The following SNX10 variants were observed in gnomAD, a reference collection of about 807,000 sequenced individuals.
SNX10 encodes the protein sorting nexin-10.
Under a neutral mutation model 28.5 loss-of-function variants are expected in SNX10, and 25 were observed. The observed-to-expected ratio is 0.88, with a 90% CI of 0.64 to 1.22. The LOEUF (loss-of-function observed/expected upper bound fraction) is 1.22, where lower values mean the gene tolerates loss of function less well. SNX10 is among the 50% of genes most tolerant of loss of function. The pLI, the probability that SNX10 is intolerant of heterozygous loss-of-function variation, is 0.00. For missense variants in SNX10, 223 were observed against 242.6 expected (o/e 0.92, Z 0.54); for synonymous variants, 62 against 81.4 (o/e 0.76, Z 1.28).
At chr7:26,358,463 G>A (rs954044333) in intron 2 of SNX10, among the ~76,000 whole-genome samples, 1 of 152,190 alleles carries the variant, frequency 6.6e-6, no homozygotes, top group Non-Finnish European at 1.5e-5. Flanking sequence ...TACTGGCTGG[G>A]GCACAGTGGC....
At chr7:26,329,602 A>G (rs1787645899) in intron 1 of SNX10, among the ~76,000 whole-genome samples, 1 of 152,198 alleles carries the variant, frequency 6.6e-6, no homozygotes, top group South Asian at 2.1e-4. Flanking sequence ...CCCACTCAAC[A>G]AGCGTTAGTT....
intron 5 of SNX10, among the ~76,000 whole-genome samples, chr7:26,369,593 C>A (rs1034479148): frequency 2.0e-5 from 3 of 152,076 alleles, no homozygotes; most frequent in African/African-American, 7.2e-5. Flanking sequence ...TGTACCTAGC[C>A]GACTCACTGG....
At chr7:26,336,715 C>T (rs1162883622) in intron 1 of SNX10, among the ~76,000 whole-genome samples, 3 of 152,048 alleles carry the variant, frequency 2.0e-5, no homozygotes. Context: ...AAAATAACAA[C>T]AAAAAATCAA....
chr7:26,334,201 A>G (rs1787841542), intron 1 of SNX10, among the ~76,000 whole-genome samples: 1 of 152,158 alleles, frequency 6.6e-6, no homozygotes, highest in African/African-American at 2.4e-5. Context: ...TATCATAGTT[A>G]TATGTATTTT....
At chr7:26,345,144 T>C (rs960392138) in intron 1 of SNX10, among the ~76,000 whole-genome samples, 1 of 152,182 alleles carries the variant, frequency 6.6e-6, no homozygotes, top group Admixed American at 6.5e-5. Context: ...CTTAATTATG[T>C]CTCCAAAGAC....
intron 1 of SNX10, among the ~76,000 whole-genome samples, chr7:26,327,277 C>T (rs1266868846): frequency 1.3e-5 from 2 of 152,080 alleles, no homozygotes; most frequent in African/African-American, 2.4e-5. Context: ...TGAAGTGCAG[C>T]CCTTCCAGTA....
intron 1 of SNX10, among the ~76,000 whole-genome samples, chr7:26,297,665 A>T (rs544051204): frequency 6.6e-6 from 1 of 152,198 alleles, no homozygotes; most frequent in East Asian, 1.9e-4. Flanking sequence ...CCTCTGCAGG[A>T]AACAGATTTT....
At chr7:26,345,862 G>A (rs1218059621) in intron 1 of SNX10, among the ~76,000 whole-genome samples, 2 of 152,124 alleles carry the variant, frequency 1.3e-5, no homozygotes, top group Non-Finnish European at 2.9e-5. Flanking sequence ...GACATGCAGG[G>A]CCTGGAATCA....
chr7:26,335,721 G>A (rs1247813845), intron 1 of SNX10, among the ~76,000 whole-genome samples: 1 of 146,236 alleles, frequency 6.8e-6, no homozygotes, highest in Non-Finnish European at 1.5e-5. Context: ...AAATAACCTC[G>A]CAGATGGAAT....
At chr7:26,354,059 A>C (rs780442668) in intron 2 of SNX10, 9 of 152,242 alleles carry the variant, frequency 5.9e-5, no homozygotes, top group Non-Finnish European at 1.3e-4. Context: ...TTTTACAGTT[A>C]ACACCTACTC....
Position 26,364,491 on chromosome 7 carries a change from T to C in SNX10, c.112-44T>C. The C allele has an allele frequency of 6.4e-7, 1 of 1,562,514 alleles. No homozygotes were observed. Among genetic ancestry groups the C allele is most frequent in the South Asian group, 1.2e-5 (1 of 84,008 alleles). On this transcript the variant is annotated intron_variant, in intron 3 of 6. Transcript: ENST00000338523. The surrounding 1 kb of genome is among the most constrained non-coding windows in gnomAD (Gnocchi z 4.9). ...TGAATTATAGATACAAGAAATGCATTTTTTTCCTCAGGTAAGACTCATTTT... is the reference window on the plus strand; with the variant it reads ...TGAATTATAGATACAAGAAATGCATCTTTTTCCTCAGGTAAGACTCATTTT...
At chr7:26,354,685 G>A (rs948384209) in intron 2 of SNX10, among the ~76,000 whole-genome samples, 1 of 85,596 alleles carries the variant, frequency 1.2e-5, no homozygotes, top group African/African-American at 4.1e-5. Flanking sequence ...CCGTCTGATA[G>A]TTTTGTTTTT....
intron 2 of SNX10, among the ~76,000 whole-genome samples, chr7:26,358,962 T>C (rs1209156123): frequency 6.6e-6 from 1 of 151,670 alleles, no homozygotes; most frequent in East Asian, 1.9e-4. Flanking sequence ...CCCAACACCA[T>C]GCCCAGCTAA....
chr7:26,365,071 A>C lies in SNX10; in HGVS notation c.237A>C (p.Lys79Asn), dbSNP rs1393468563. The change falls in exon 5 of 7, where the codon AAA (lysine) becomes AAC (asparagine). Residue 79 changes from lysine (K) to asparagine (N), a missense_variant. Lys to Asn is a moderately conservative substitution (Grantham distance 94). Coordinates refer to ENST00000338523, the MANE Select transcript of SNX10 (RefSeq NM_013322.3). Reference protein sequence around the residue: ...LLVQLPELPSKNLFFNMNNRQ... With the variant: ...LLVQLPELPSNNLFFNMNNRQ... ...GACAACTGCCAGAACTTCCATCTAA[A>C]AACCTGTTTTTCAACATGAACAATC... 1 of 1,611,724 alleles carries C rather than the reference A, an allele frequency of 6.2e-7. No individual in the cohort carries two copies. The highest frequency in any genetic ancestry group is 1.3e-5 in the African/African-American group (1 of 75,000).
intron 1 of SNX10, among the ~76,000 whole-genome samples, chr7:26,297,177 A>G (rs1477139589): frequency 2.0e-5 from 3 of 152,184 alleles, no homozygotes; most frequent in East Asian, 1.9e-4. Flanking sequence ...GCTCACTGCA[A>G]CCTCTGCCTC....
chr7:26,360,284 G>T (rs1366113227), intron 2 of SNX10, among the ~76,000 whole-genome samples: 1 of 151,766 alleles, frequency 6.6e-6, no homozygotes, highest in African/African-American at 2.4e-5. Context: ...ACAGGGTCTC[G>T]CTCTTTTGCC....
intron 1 of SNX10, among the ~76,000 whole-genome samples, chr7:26,335,419 C>T (rs561004902): frequency 1.3e-5 from 2 of 152,276 alleles, no homozygotes; most frequent in East Asian, 1.9e-4. Context: ...AGCCATTGCC[C>T]AGCCCTTTCT....
intron 2 of SNX10, among the ~76,000 whole-genome samples, chr7:26,359,824 A>C (rs566980754): frequency 1.3e-5 from 2 of 151,974 alleles, no homozygotes; most frequent in Non-Finnish European, 2.9e-5. Flanking sequence ...CGCCCAGCTG[A>C]TTTTTGTAGT....
At chr7:26,322,528 T>G (rs1670561424) in intron 1 of SNX10, among the ~76,000 whole-genome samples, 1 of 152,240 alleles carries the variant, frequency 6.6e-6, no homozygotes, top group South Asian at 2.1e-4. Context: ...TAAGTACTGT[T>G]TAGGAACCCG....
Sources: gnomAD v4.1 joint callset for allele counts (sites outside exome capture counted in the v4.1 genomes callset) on GRCh38, gnomAD v4.1.1 for gene constraint, Gnocchi (gnomAD v3.1) non-coding constraint, MANE v1.5 for transcripts, NCBI Gene and HGNC (gene_info 2026-07-23, HGNC 2026-07-21) for gene names.